RALYL: variants seen among roughly 807,000 people sequenced by gnomAD.
RALYL encodes the protein RNA-binding Raly-like protein.
A neutral mutation model predicts 35.1 loss-of-function variants in RALYL; 29 were observed. That is an observed-to-expected ratio of 0.83 (90% CI 0.61 to 1.13). RALYL has a LOEUF of 1.13. Among genes scored for constraint, RALYL ranks in the 50% most tolerant of loss-of-function variants. The pLI is 0.00. For missense variants in RALYL, 359 were observed against 360.4 expected (o/e 1.00, Z 0.03); for synonymous variants, 120 against 127.6 (o/e 0.94, Z 0.40).
At chr8:84,862,231 T>A in intron 5 of RALYL, 65 bp from the exon 6 acceptor site, 1 of 1,323,352 alleles carries the variant, frequency 7.6e-7, no homozygotes, top group Non-Finnish European at 1.0e-6. Flanking sequence ...TGTTCAACAT[T>A]TCACATATTT....
At chr8:84,643,542 C>T (rs186564212) in intron 2 of RALYL, among the ~76,000 whole-genome samples, 1 of 152,130 alleles carries the variant, frequency 6.6e-6, no homozygotes, top group Non-Finnish European at 1.5e-5. Context: ...CAGCCATGAG[C>T]AGCCAGCATT....
chr8:84,525,953 C>CTTTTTTTTTTTTTT lies in RALYL; in HGVS notation c.-23-3337_-23-3324dup, dbSNP rs35794329. Among the ~76,000 whole-genome samples, 432 of 104,786 alleles carry CTTTTTTTTTTTTTT rather than the reference C, an allele frequency of 4.1e-3. 2 individuals are homozygous for CTTTTTTTTTTTTTT. Among genetic ancestry groups the CTTTTTTTTTTTTTT allele is most frequent in the African/African-American group, 7.8e-3 (204 of 26,002 alleles). The allele number at this position is 104,786 out of a possible 152,430, so 68.7% of individuals were successfully genotyped here. The stretch of plus-strand genomic sequence containing the variant: ...ACTTCTATTTTCTCTTTTCTTTTTT[C>CTTTTTTTTTTTTTT]TTTTTTTTTTTTTTTTTTTTTTGAG... On this transcript the variant is annotated intron_variant, in intron 1 of 8. Transcript: ENST00000521268.
At chr8:84,332,327 A>G (rs75344974) in intron 1 of RALYL, among the ~76,000 whole-genome samples, 4,129 of 152,270 alleles carry the variant, frequency 0.027, 102 homozygotes, top group Non-Finnish European at 0.031. Context: ...CAGAAAAAAG[A>G]AAGTACAGAG....
chr8:84,761,804 T>C (rs1424174104), intron 2 of RALYL, among the ~76,000 whole-genome samples: 2 of 152,192 alleles, frequency 1.3e-5, no homozygotes, highest in East Asian at 1.9e-4. Context: ...TCCAGTAATA[T>C]ACAACATACA....
At chr8:84,277,658 A>G (rs1324055322) in intron 1 of RALYL, among the ~76,000 whole-genome samples, 2 of 152,218 alleles carry the variant, frequency 1.3e-5, no homozygotes. Flanking sequence ...GGGTACAGGC[A>G]TTGGATAAAT....
intron 2 of RALYL, among the ~76,000 whole-genome samples, chr8:84,589,486 A>G (rs1406914662): frequency 6.6e-6 from 1 of 152,238 alleles, no homozygotes; most frequent in African/African-American, 2.4e-5. Context: ...CATGAAAACC[A>G]TTGCAGTAGC....
intron 1 of RALYL, among the ~76,000 whole-genome samples, chr8:84,398,226 G>A (rs1451927430): frequency 6.6e-6 from 1 of 152,044 alleles, no homozygotes; most frequent in South Asian, 2.1e-4. Flanking sequence ...ATTTTACAGA[G>A]AGCTTGATCC....
At chr8:84,523,038 G>T (rs1470240535) in intron 1 of RALYL, among the ~76,000 whole-genome samples, 1 of 152,032 alleles carries the variant, frequency 6.6e-6, no homozygotes, top group Non-Finnish European at 1.5e-5. Flanking sequence ...AGCCAAAGTT[G>T]CTTCCACATT....
chr8:84,588,763 C>G (rs1812553403), intron 2 of RALYL, among the ~76,000 whole-genome samples: 1 of 152,160 alleles, frequency 6.6e-6, no homozygotes, highest in East Asian at 1.9e-4. Flanking sequence ...ACAGCCAGAC[C>G]TCAAATGGAG....
intron 1 of RALYL, among the ~76,000 whole-genome samples, chr8:84,365,313 T>G (rs1853998140): frequency 6.6e-6 from 1 of 152,144 alleles, no homozygotes; most frequent in African/African-American, 2.4e-5. Context: ...ACCCAGTATC[T>G]TTCTCATTTC....
chr8:84,468,734 A>C (rs1022789272), intron 1 of RALYL, among the ~76,000 whole-genome samples: 2 of 151,030 alleles, frequency 1.3e-5, no homozygotes, highest in Admixed American at 1.3e-4. Flanking sequence ...TATCCTGCAG[A>C]GTGTTTTCCA....
chr8:84,235,057 C>T lies in RALYL; in HGVS notation c.-24+50633C>T, dbSNP rs536569792. On this transcript the variant is annotated intron_variant, in intron 1 of 8. Transcript: ENST00000521268. ...GGATTACAGACGTGAGCCACCGCGC[C>T]GGGCCTAATTGCAAAATTTTAGAAA... is the stretch of plus-strand genomic sequence containing the variant. Among the ~76,000 whole-genome samples, 68 of 152,184 alleles carry T rather than the reference C, an allele frequency of 4.5e-4. 1 individual carries two copies. Among genetic ancestry groups the T allele is most frequent in the East Asian group, 1.9e-3 (10 of 5,172 alleles).
intron 1 of RALYL, among the ~76,000 whole-genome samples, chr8:84,376,787 A>G (rs1462749076): frequency 6.6e-6 from 1 of 151,780 alleles, no homozygotes; most frequent in Non-Finnish European, 1.5e-5. Context: ...ATTAAAGTTC[A>G]TATTAGTTTC....
rs190499857 is a variant in RALYL, at chr8:84,678,366, C to T, written c.257-96213C>T. Among the ~76,000 whole-genome samples, 148 of 152,096 alleles carry T rather than the reference C, an allele frequency of 9.7e-4. 1 individual carries two copies. The highest frequency in any genetic ancestry group is 1.0e-3 in the Non-Finnish European group (69 of 67,964). On this transcript the variant is annotated intron_variant, in intron 2 of 8. Transcript: ENST00000521268. ...GCAACCTCCACACCCCAGGTTCAAG[C>T]GATTCTCCTGCCTCAGCCTCCCAGG...
At chr8:84,318,329 A>G (rs941056755) in intron 1 of RALYL, among the ~76,000 whole-genome samples, 1 of 152,210 alleles carries the variant, frequency 6.6e-6, no homozygotes, top group African/African-American at 2.4e-5. Flanking sequence ...CATCTTTAAT[A>G]TGAACTAAAT....
chr8:84,372,892 T>TTTTTTTTGTTTTG (rs1563809020), intron 1 of RALYL, among the ~76,000 whole-genome samples: 5 of 122,088 alleles, frequency 4.1e-5, no homozygotes, highest in Admixed American at 8.3e-5. Context: ...ATCTGTTTTT[T>TTTTTTTTGTTTTG]TTTTTTTTTT....
intron 8 of RALYL, among the ~76,000 whole-genome samples, chr8:84,916,992 T>G (rs541453589): frequency 6.6e-6 from 1 of 152,284 alleles, no homozygotes; most frequent in African/African-American, 2.4e-5. Context: ...GATTGTTTCA[T>G]AGTATTGTTT....
At chr8:84,402,135 C>T (rs1479647946) in intron 1 of RALYL, among the ~76,000 whole-genome samples, 1 of 152,046 alleles carries the variant, frequency 6.6e-6, no homozygotes, top group Non-Finnish European at 1.5e-5. Context: ...TGTAAAAGGG[C>T]CAAGACATAT....
At chr8:84,547,354 AT>A (rs372216829) in intron 2 of RALYL, among the ~76,000 whole-genome samples, 2,284 of 150,952 alleles carry the variant, frequency 0.015, 56 homozygotes, top group African/African-American at 0.052. Flanking sequence ...GACTGTTGTT[AT>A]TTTTTTTCTT....
Sources: gnomAD v4.1 joint callset for allele counts (sites outside exome capture counted in the v4.1 genomes callset) on GRCh38, gnomAD v4.1.1 for gene constraint, MANE v1.5 for transcripts, NCBI Gene and HGNC (gene_info 2026-07-23, HGNC 2026-07-21) for gene names.